The following TENM4 variants were observed in gnomAD, a reference collection of about 807,000 sequenced individuals.
The protein encoded by TENM4 is teneurin transmembrane protein 4.
Under a neutral mutation model 243.3 loss-of-function variants are expected in TENM4, and 82 were observed. That is an observed-to-expected ratio of 0.34 (90% CI 0.28 to 0.40). TENM4 has a LOEUF of 0.40. TENM4 is among the 10% of genes least tolerant of loss of function. TENM4 has a pLI of 1.00. For synonymous variants in TENM4, 1,412 were observed against 1,456.3 expected, an observed-to-expected ratio of 0.97 and a Z score of 0.69; for missense variants, 3,138 against 3,673.3, an observed-to-expected ratio of 0.85 and a Z score of 3.77.
intron 2 of TENM4, among the ~76,000 whole-genome samples, chr11:79,239,627 T>C (rs1864550440): frequency 6.6e-6 from 1 of 152,198 alleles, no homozygotes; most frequent in South Asian, 2.1e-4. Flanking sequence ...ATACAAGACA[T>C]GTGTCCCTGT....
At chr11:78,797,078 G>A (rs1857176302) in intron 15 of TENM4, among the ~76,000 whole-genome samples, 1 of 152,192 alleles carries the variant, frequency 6.6e-6, no homozygotes, top group East Asian at 1.9e-4. Flanking sequence ...TGATTTACTG[G>A]CAGTTTCAGC....
chr11:79,007,196 A>C (rs1362764567), intron 6 of TENM4, among the ~76,000 whole-genome samples: 1 of 152,168 alleles, frequency 6.6e-6, no homozygotes, highest in Non-Finnish European at 1.5e-5. Context: ...TTCTCCGGAG[A>C]ACCCTAATAC....
intron 1 of TENM4, among the ~76,000 whole-genome samples, chr11:79,436,405 G>A (rs1859272019): frequency 6.6e-6 from 1 of 152,102 alleles, no homozygotes; most frequent in African/African-American, 2.4e-5. Flanking sequence ...ATTTTACAGG[G>A]GAGAGGACTG....
chr11:79,135,345 A>C (rs866878867), intron 4 of TENM4, among the ~76,000 whole-genome samples: 4 of 152,064 alleles, frequency 2.6e-5, no homozygotes, highest in East Asian at 1.9e-4. Flanking sequence ...TAAAAAAAAA[A>C]CCCAGTAGAT....
At chr11:78,848,154 T>G (rs1403855933) in intron 12 of TENM4, among the ~76,000 whole-genome samples, 1 of 147,002 alleles carries the variant, frequency 6.8e-6, no homozygotes, top group African/African-American at 2.5e-5. Context: ...CCTCCCTCCT[T>G]TTTTTTTTTT....
intron 4 of TENM4, among the ~76,000 whole-genome samples, chr11:79,078,789 T>A (rs1860592700): frequency 6.6e-6 from 1 of 152,100 alleles, no homozygotes; most frequent in African/African-American, 2.4e-5. Context: ...CCCAAAACCA[T>A]CCCCATTTTA....
chr11:79,010,276 T>C (rs1026995657), intron 6 of TENM4, among the ~76,000 whole-genome samples: 1 of 152,142 alleles, frequency 6.6e-6, no homozygotes, highest in Non-Finnish European at 1.5e-5. Context: ...ATACGGTTTC[T>C]GCTGCAAAGG....
chr11:78,957,559 A>ACTGG (rs1857232687), intron 6 of TENM4, among the ~76,000 whole-genome samples: 10 of 152,360 alleles, frequency 6.6e-5, no homozygotes, highest in Admixed American at 6.5e-4. Flanking sequence ...TCCCATTTAG[A>ACTGG]AAGAAAAATA....
At chr11:79,076,746 G>T (rs1860544793) in intron 4 of TENM4, among the ~76,000 whole-genome samples, 1 of 152,124 alleles carries the variant, frequency 6.6e-6, no homozygotes, top group Non-Finnish European at 1.5e-5. Context: ...GTGATCAGGG[G>T]ATCACTGAAG....
intron 2 of TENM4, among the ~76,000 whole-genome samples, chr11:79,238,407 A>G (rs1410791435): frequency 6.6e-6 from 1 of 152,144 alleles, no homozygotes; most frequent in Admixed American, 6.5e-5. Flanking sequence ...ACCTGAATAG[A>G]ACAAAAAGGC....
intron 6 of TENM4, among the ~76,000 whole-genome samples, chr11:78,920,776 C>A (rs984153956): frequency 1.3e-5 from 2 of 152,196 alleles, no homozygotes; most frequent in African/African-American, 4.8e-5. Context: ...CTTAACTGCC[C>A]ATGCAAATCA....
chr11:79,426,635 C>T (rs1418381773), intron 1 of TENM4, among the ~76,000 whole-genome samples: 1 of 152,158 alleles, frequency 6.6e-6, no homozygotes, highest in African/African-American at 2.4e-5. Context: ...AATATGATTT[C>T]CTGACGGCTG....
At chr11:79,115,739 A>C (rs1428365084) in intron 4 of TENM4, among the ~76,000 whole-genome samples, 2 of 152,220 alleles carry the variant, frequency 1.3e-5, no homozygotes, top group East Asian at 3.9e-4. Flanking sequence ...CCTGCAAGCA[A>C]GGTGAGGAAA....
chr11:78,793,385 G>A (rs2136055062), intron 15 of TENM4, among the ~76,000 whole-genome samples: 1 of 152,238 alleles, frequency 6.6e-6, no homozygotes, highest in South Asian at 2.1e-4. Flanking sequence ...GGGACCTCCT[G>A]GGAAGTCCTT....
At chr11:78,814,805 A>G (rs1428214964) in intron 12 of TENM4, among the ~76,000 whole-genome samples, 1 of 152,160 alleles carries the variant, frequency 6.6e-6, no homozygotes, top group Admixed American at 6.5e-5. Flanking sequence ...GATATTCCAT[A>G]CTTTGTTTTG....
chr11:78,857,366 T>C (rs1037719894), intron 10 of TENM4, among the ~76,000 whole-genome samples: 5 of 152,214 alleles, frequency 3.3e-5, no homozygotes, highest in African/African-American at 9.6e-5. Context: ...ATTTGGGGAA[T>C]AGGAAATTAA....
At chr11:78,896,791 G>A (rs1855809675) in intron 7 of TENM4, among the ~76,000 whole-genome samples, 1 of 152,124 alleles carries the variant, frequency 6.6e-6, no homozygotes, top group African/African-American at 2.4e-5. Flanking sequence ...GCCTGGGGAT[G>A]GACCCTGGTT....
At chr11:78,919,386 C>G (rs1591129121) in intron 6 of TENM4, among the ~76,000 whole-genome samples, 1 of 137,168 alleles carries the variant, frequency 7.3e-6, no homozygotes, top group Non-Finnish European at 1.6e-5. Flanking sequence ...CTTGTTGATT[C>G]TTCTTCTCTG....
chr11:79,381,986 TG>T (rs1458509773), intron 1 of TENM4, among the ~76,000 whole-genome samples: 1 of 152,034 alleles, frequency 6.6e-6, no homozygotes, highest in African/African-American at 2.4e-5. Flanking sequence ...CATTCCAAGG[TG>T]GGGTTTCAAA....
Sources: gnomAD v4.1 joint callset for allele counts (sites outside exome capture counted in the v4.1 genomes callset) on GRCh38, gnomAD v4.1.1 for gene constraint, MANE v1.5 for transcripts, NCBI Gene and HGNC (gene_info 2026-07-23, HGNC 2026-07-21) for gene names.